The following DYNC1I2 variants were observed in gnomAD, a reference collection of about 807,000 sequenced individuals.
DYNC1I2 encodes cytoplasmic dynein 1 intermediate chain 2.
A neutral mutation model predicts 88.6 loss-of-function variants in DYNC1I2; 53 were observed. That is an observed-to-expected ratio of 0.60 (90% CI 0.48 to 0.75). The LOEUF (loss-of-function observed/expected upper bound fraction) is 0.75, where lower values mean the gene tolerates loss of function less well. DYNC1I2 is among the 30% of genes least tolerant of loss of function. The probability of loss-of-function intolerance (pLI) is 0.00; values close to 1 mark genes in which losing one functional copy is unlikely to be tolerated. For synonymous variants in DYNC1I2, 198 were observed against 254.6 expected (o/e 0.78, Z 2.12); for missense variants, 458 against 766.6 (o/e 0.60, Z 4.75).
chr2:171,715,115 A>G (rs1574563054), intron 6 of DYNC1I2, among the ~76,000 whole-genome samples: 1 of 152,220 alleles, frequency 6.6e-6, no homozygotes, highest in African/African-American at 2.4e-5. Context: ...AAATGAAAAT[A>G]AAAACACTGA....
chr2:171,711,679 C>A (rs574197227), intron 5 of DYNC1I2, among the ~76,000 whole-genome samples: 2 of 152,034 alleles, frequency 1.3e-5, no homozygotes, highest in African/African-American at 4.8e-5. Context: ...CAAGATCTTT[C>A]TTTATATTTT....
Position 171,707,295 on chromosome 2 carries a change from C to T in DYNC1I2, c.253C>T (p.Pro85Ser), listed in dbSNP as rs760036621. ...IVFSEYWVPP[P>S]MSPSSKSVST... is the part of the protein sequence containing the mutation. Reference sequence around the variant, plus strand: ...TCTATTTCACTATTTAGTCCCTCCTCCTATGTCTCCATCCTCCAAATCTGT... The same window carrying T: ...TCTATTTCACTATTTAGTCCCTCCTTCTATGTCTCCATCCTCCAAATCTGT... The change falls in exon 5 of 18, where the codon CCT becomes TCT. Residue 85 changes from proline to serine, a missense_variant. This residue lies in a region of DYNC1I2 where 55 missense variants were observed against 57.1 expected (regional missense o/e 0.96). Coordinates refer to ENST00000397119, the MANE Select transcript of DYNC1I2 (RefSeq NM_001378.3). 1 of 1,613,830 alleles carries T rather than the reference C, an allele frequency of 6.2e-7. No individual in the cohort carries two copies. Among genetic ancestry groups the T allele is most frequent in the South Asian group, 1.1e-5 (1 of 91,078 alleles).
At chr2:171,718,800 G>A (rs1403595891) in intron 7 of DYNC1I2, among the ~76,000 whole-genome samples, 1 of 152,118 alleles carries the variant, frequency 6.6e-6, no homozygotes, top group Non-Finnish European at 1.5e-5. Flanking sequence ...CCACTTATCA[G>A]GCATAGTGTG....
At chr2:171,730,325 T>C (rs1438969328) in intron 15 of DYNC1I2, among the ~76,000 whole-genome samples, 1 of 152,242 alleles carries the variant, frequency 6.6e-6, no homozygotes, top group Admixed American at 6.5e-5. Flanking sequence ...TGGCTATATG[T>C]AGTAAACTGG....
At chr2:171,716,219 A>C (rs1369078016) in intron 7 of DYNC1I2, among the ~76,000 whole-genome samples, 1 of 152,144 alleles carries the variant, frequency 6.6e-6, no homozygotes, top group African/African-American at 2.4e-5. Context: ...ATTATGTAAA[A>C]GTAATAAAAT....
At chr2:171,743,008 G>A (rs898577680) in intron 15 of DYNC1I2, among the ~76,000 whole-genome samples, 1 of 152,110 alleles carries the variant, frequency 6.6e-6, no homozygotes, top group Non-Finnish European at 1.5e-5. Context: ...GGGTGCCAAC[G>A]CCTATCCCAG....
chr2:171,708,230 C>A (rs886408038), intron 5 of DYNC1I2, among the ~76,000 whole-genome samples: 5 of 152,170 alleles, frequency 3.3e-5, no homozygotes, highest in Middle Eastern at 3.4e-3. Flanking sequence ...TCTTAACACA[C>A]CTTTTAATAA....
intron 4 of DYNC1I2, chr2:171,707,057 C>T (rs1574538122): frequency 3.2e-6 from 2 of 625,304 alleles, no homozygotes; most frequent in East Asian, 2.9e-5. Context: ...TTATAAAGCT[C>T]AAATGCATTT....
chr2:171,729,588 GCA>G, intron 14 of DYNC1I2, 119 bp from the exon 15 acceptor site: 1 of 1,001,400 alleles, frequency 1.0e-6, no homozygotes. Context: ...TAAGTTATGA[GCA>G]CAGAGTTAAG....
At chr2:171,710,683 T>A (rs1460820533) in intron 5 of DYNC1I2, among the ~76,000 whole-genome samples, 2 of 151,786 alleles carry the variant, frequency 1.3e-5, no homozygotes, top group Non-Finnish European at 2.9e-5. Flanking sequence ...AATCCAGGCC[T>A]CTTGTTCCTT....
chr2:171,701,201 T>C (rs990220176), intron 3 of DYNC1I2, among the ~76,000 whole-genome samples: 2 of 152,202 alleles, frequency 1.3e-5, no homozygotes, highest in Admixed American at 6.5e-5. Flanking sequence ...TTTCTTTTTT[T>C]TGGAGACGGA....
chr2:171,707,480 C>T, intron 5 of DYNC1I2, 103 bp downstream of exon 5: 1 of 968,798 alleles, frequency 1.0e-6, no homozygotes, highest in Non-Finnish European at 1.4e-6. Flanking sequence ...CGAGTTAGTC[C>T]TAACATTTTA....
chr2:171,699,464 C>T (rs1686039842), intron 3 of DYNC1I2, among the ~76,000 whole-genome samples: 1 of 152,038 alleles, frequency 6.6e-6, no homozygotes, highest in African/African-American at 2.4e-5. Flanking sequence ...TTTGCTTTTG[C>T]TATTTTGTAG....
At position 171,712,785 on chromosome 2, in the gene DYNC1I2, A is replaced by G. The variant is rs1687212554; in HGVS notation, c.354A>G (p.Thr118=). The change falls in exon 6 of 18, where the codon ACA becomes ACG. Residue 118 remains threonine, a synonymous_variant. Coordinates refer to ENST00000397119, the MANE Select transcript of DYNC1I2 (RefSeq NM_001378.3). ...AVGSRTLHWD[T]DPSVLQLHSD... ...CATTTAGGACGCTGCATTGGGATAC[A>G]GATCCATCAGTTCTTCAGCTTCACT... 6.2e-7 allele frequency: 1 copy of G among 1,613,560 alleles called. No individual in the cohort carries two copies. Among genetic ancestry groups the G allele is most frequent in the Non-Finnish European group, 8.5e-7 (1 of 1,179,614 alleles).
At position 171,706,578 on chromosome 2, in the gene DYNC1I2, C is replaced by T; in HGVS notation, c.244+14C>T. The T allele has an allele frequency of 6.2e-7, 1 of 1,610,916 alleles. No individual in the cohort carries two copies. The highest frequency in any genetic ancestry group is 1.1e-5 in the South Asian group (1 of 90,848). On this transcript the variant is annotated intron_variant, in intron 4 of 17. Transcript: ENST00000397119. ...CTGAATACTGGGGTAAGGAAGTTCCCATAAGTCTTGCCTTGTTTATTTGCA... is the reference window on the plus strand; with the variant it reads ...CTGAATACTGGGGTAAGGAAGTTCCTATAAGTCTTGCCTTGTTTATTTGCA...
chr2:171,695,460 T>G (rs994863537), intron 3 of DYNC1I2, among the ~76,000 whole-genome samples: 2 of 152,194 alleles, frequency 1.3e-5, no homozygotes, highest in African/African-American at 2.4e-5. Context: ...GTTTCACATA[T>G]CTCTGTGTAT....
chr2:171,745,946 G>C lies in DYNC1I2; in HGVS notation c.1803+19G>C. ...GGGAGAGGTATGGGACTCCCTGCCT[G>C]TAATTTTGACACATCGATTTAGTTG... On this transcript the variant is annotated intron_variant, in intron 17 of 17. Transcript: ENST00000397119. 1 of 1,612,468 alleles carries C rather than the reference G, an allele frequency of 6.2e-7. No homozygotes were observed. The highest frequency in any genetic ancestry group is 1.1e-5 in the South Asian group (1 of 90,904).
In DYNC1I2 at chr2:171,715,403, A is replaced by G; in HGVS notation, c.471A>G (p.Thr157=). Residue 157 remains threonine, a synonymous_variant, in exon 7 of 18, where the codon ACA becomes ACG. Transcript: ENST00000397119. ...DFPPREIVTY[T]KETQTPVMAQ... ...CTCCTCGAGAAATTGTCACGTATAC[A>G]AAGGAAACTCAGACTCCAGTTATGG... The G allele has an allele frequency of 2.5e-6, 4 of 1,569,014 alleles. No homozygotes were observed. Among genetic ancestry groups the G allele is most frequent in the Non-Finnish European group, 2.6e-6 (3 of 1,155,346 alleles).
intron 3 of DYNC1I2, among the ~76,000 whole-genome samples, chr2:171,697,949 C>T (rs1432479600): frequency 6.6e-6 from 1 of 152,134 alleles, no homozygotes; most frequent in Non-Finnish European, 1.5e-5. Context: ...ATGTTGTGTC[C>T]TTCATATTGT....
Sources: gnomAD v4.1 joint callset for allele counts (sites outside exome capture counted in the v4.1 genomes callset) on GRCh38, gnomAD v4.1.1 for gene constraint, gnomAD v4.1.1 regional missense constraint, MANE v1.5 for transcripts, NCBI Gene and HGNC (gene_info 2026-07-23, HGNC 2026-07-21) for gene names.